Variants in CFAP58 observed in about 807,000 individuals in gnomAD.
CFAP58 encodes cilia- and flagella-associated protein 58.
A neutral mutation model predicts 119.5 loss-of-function variants in CFAP58; 88 were observed. The ratio of observed to expected loss-of-function variants is 0.74; its 90% CI spans 0.62 to 0.88. The LOEUF is 0.88. CFAP58 is among the 40% of genes least tolerant of loss of function. CFAP58 has a pLI of 0.00. For synonymous variants in CFAP58, 365 were observed against 366.3 expected (o/e 1.00, Z 0.04); for missense variants, 990 against 1,021.2 (o/e 0.97, Z 0.42).
At chr10:104,409,366 A>T (rs548349360) in intron 15 of CFAP58, among the ~76,000 whole-genome samples, 3 of 152,298 alleles carry the variant, frequency 2.0e-5, no homozygotes, top group Non-Finnish European at 4.4e-5. Context: ...TGTCTGTATT[A>T]TACAGATTCT....
chr10:104,433,501 A>G (rs2012882931), intron 15 of CFAP58, among the ~76,000 whole-genome samples: 1 of 152,212 alleles, frequency 6.6e-6, no homozygotes, highest in Non-Finnish European at 1.5e-5. Flanking sequence ...CTGCAAAAAT[A>G]AGTGGCCAGT....
chr10:104,401,751 ACTTTTT>A (rs200642460), intron 13 of CFAP58, among the ~76,000 whole-genome samples: 2,483 of 152,172 alleles, frequency 0.016, 37 homozygotes, highest in South Asian at 0.053. Flanking sequence ...ATAAATCAAT[ACTTTTT>A]CTTTTTTTTT....
rs370774706 is a variant in CFAP58 at position 104,439,395 on chromosome 10, A to C, written c.2257-8303A>C. Among the ~76,000 whole-genome samples, 4 of 152,310 alleles carry C rather than the reference A, an allele frequency of 2.6e-5. No individual in the cohort carries two copies. The East Asian group carries it at 7.7e-4, about 29-fold the overall frequency. ...ATATAATGTTGTCAGTTATGTCAAA[A>C]AACCCCAGTCATTTTAATTGGGGTT... On this transcript the variant is annotated intron_variant, in intron 15 of 17. Coordinates refer to ENST00000369704, the MANE Select transcript of CFAP58 (RefSeq NM_001008723.2).
In CFAP58 at chr10:104,376,817, A is replaced by C. The variant is rs1320080018; in HGVS notation, c.1097A>C (p.Glu366Ala). 5.6e-6 allele frequency: 9 copies of C among 1,612,878 alleles called. No homozygotes were observed. The highest frequency in any genetic ancestry group is 1.7e-5 in the Admixed American group (1 of 59,948). ...TTTCTCCCTGGGGATTCAGAGGTAG[A>C]GGCTTCAAAGAAACAAGCAGAACTT... ...NQIVGLEREV[E>A]ASKKQAELDR... is the part of the protein sequence containing the mutation. Residue 366 changes from glutamate to alanine, a missense_variant, in exon 8 of 18, where the codon GAG becomes GCG. Transcript: ENST00000369704.
At chr10:104,359,418 T>C (rs1298331206) in intron 2 of CFAP58, among the ~76,000 whole-genome samples, 1 of 152,242 alleles carries the variant, frequency 6.6e-6, no homozygotes, top group Non-Finnish European at 1.5e-5. Flanking sequence ...TTGAAGTTTA[T>C]TGTCATGTTC....
At chr10:104,442,376 T>A (rs886850031) in intron 15 of CFAP58, among the ~76,000 whole-genome samples, 1 of 152,002 alleles carries the variant, frequency 6.6e-6, no homozygotes, top group Non-Finnish European at 1.5e-5. Context: ...GATCACGAGG[T>A]CAGGAGTTCG....
At chr10:104,426,796 T>C (rs573710602) in intron 15 of CFAP58, among the ~76,000 whole-genome samples, 19 of 152,354 alleles carry the variant, frequency 1.2e-4, no homozygotes, top group South Asian at 8.3e-4. Context: ...CAACCTATCA[T>C]ACTAAATAGC....
chr10:104,439,085 A>G (rs2012991771), intron 15 of CFAP58, among the ~76,000 whole-genome samples: 1 of 152,216 alleles, frequency 6.6e-6, no homozygotes, highest in Admixed American at 6.5e-5. Flanking sequence ...TGATAAAACT[A>G]TATGGAAAAA....
rs756218502 is a variant in CFAP58, at chr10:104,406,751, C to T, written c.2214C>T (p.Ile738=). ...TTCACACCCTGCAGAAGCGTCTCAT[C>T]AGCAAGACTGAAGAGGTGGTTGAAA... is the stretch of plus-strand genomic sequence containing the variant. ...QKIHTLQKRL[I]SKTEEVVEKE... Residue 738 remains isoleucine, a synonymous_variant, in exon 15 of 18, where the codon ATC becomes ATT. Coordinates refer to ENST00000369704, the MANE Select transcript of CFAP58 (RefSeq NM_001008723.2). 1 of 1,614,210 alleles carries T rather than the reference C, an allele frequency of 6.2e-7. No homozygotes were observed. Among genetic ancestry groups the T allele is most frequent in the Admixed American group, 1.7e-5 (1 of 60,026 alleles).
At chr10:104,348,732 C>T in the CFAP58 span, among the ~76,000 whole-genome samples, 2 of 152,180 alleles carry the variant, frequency 1.3e-5, no homozygotes, top group Non-Finnish European at 2.9e-5. Context: ...TTTTAACTTC[C>T]TTCCGTGTCT....
upstream of CFAP58, among the ~76,000 whole-genome samples, chr10:104,352,522 G>A (rs943111603): frequency 5.1e-4 from 78 of 152,356 alleles, 1 homozygote; most frequent in African/African-American, 1.8e-3. Flanking sequence ...GGGAAAGAGA[G>A]TAGAGACAGT....
the CFAP58 span, among the ~76,000 whole-genome samples, chr10:104,340,953 C>T: frequency 6.6e-6 from 1 of 152,146 alleles, no homozygotes; most frequent in Non-Finnish European, 1.5e-5. Flanking sequence ...TGTGGTTTAT[C>T]CCGGCCCTGG....
At chr10:104,373,578 T>C (rs2183509) in intron 7 of CFAP58, among the ~76,000 whole-genome samples, 21,590 of 152,032 alleles carry the variant, frequency 0.14, 3,724 homozygotes, top group African/African-American at 0.41. Context: ...CACTTGAGTC[T>C]AGGAGGTCAA....
intron 14 of CFAP58, among the ~76,000 whole-genome samples, chr10:104,404,691 G>A (rs528491152): frequency 6.6e-6 from 1 of 152,060 alleles, no homozygotes; most frequent in Admixed American, 6.5e-5. Context: ...CTCACTGCAA[G>A]CTCTGCCTCC....
the CFAP58 span, among the ~76,000 whole-genome samples, chr10:104,346,118 G>A: frequency 1.2e-4 from 18 of 151,880 alleles, no homozygotes; most frequent in African/African-American, 4.4e-4. Flanking sequence ...TGTGTCACGT[G>A]GCAAGAGAGG....
chr10:104,440,990 T>C (rs1488582849), intron 15 of CFAP58, among the ~76,000 whole-genome samples: 1 of 152,236 alleles, frequency 6.6e-6, no homozygotes, highest in Admixed American at 6.5e-5. Flanking sequence ...TACTAAACTC[T>C]AGACCTTACT....
intron 15 of CFAP58, among the ~76,000 whole-genome samples, chr10:104,439,118 T>C (rs1428449840): frequency 6.6e-6 from 1 of 152,128 alleles, no homozygotes; most frequent in Non-Finnish European, 1.5e-5. Flanking sequence ...TGATAATGGG[T>C]TTCAGAATGG....
intron 13 of CFAP58, among the ~76,000 whole-genome samples, chr10:104,401,670 G>T (rs1438152175): frequency 2.0e-5 from 3 of 152,140 alleles, no homozygotes; most frequent in Non-Finnish European, 4.4e-5. Flanking sequence ...AAATCAATTG[G>T]GTTAGAAGAT....
chr10:104,394,908 C>T (rs893373927), intron 11 of CFAP58, among the ~76,000 whole-genome samples: 7 of 152,188 alleles, frequency 4.6e-5, no homozygotes, highest in Admixed American at 4.6e-4. Context: ...TCGGAAGAAA[C>T]TTATTTTAAA....
Sources: gnomAD v4.1 joint callset for allele counts (sites outside exome capture counted in the v4.1 genomes callset) on GRCh38, gnomAD v4.1.1 for gene constraint, MANE v1.5 for transcripts, NCBI Gene and HGNC (gene_info 2026-07-23, HGNC 2026-07-21) for gene names.